Variants in PLXDC2 observed in about 807,000 individuals in gnomAD.
The protein encoded by PLXDC2 is plexin domain-containing protein 2.
A neutral mutation model predicts 68.9 loss-of-function variants in PLXDC2; 40 were observed. The observed-to-expected ratio is 0.58, with a 90% confidence interval of 0.45 to 0.76. The LOEUF is 0.76. Ranked by LOEUF, PLXDC2 falls within the 30% of genes least tolerant of loss-of-function variation. The pLI, the probability that PLXDC2 is intolerant of heterozygous loss-of-function variation, is 0.00. For synonymous variants in PLXDC2, 243 were observed against 234.2 expected (o/e 1.04, Z -0.34); for missense variants, 644 against 661.9 (o/e 0.97, Z 0.30).
chr10:19,964,872 C>G (rs1228833412), intron 1 of PLXDC2, among the ~76,000 whole-genome samples: 1 of 152,162 alleles, frequency 6.6e-6, no homozygotes, highest in Non-Finnish European at 1.5e-5. Flanking sequence ...CCTCTGGGAG[C>G]AACCCAGGCT....
intron 12 of PLXDC2, among the ~76,000 whole-genome samples, chr10:20,238,732 T>C (rs549259368): frequency 1.1e-4 from 15 of 141,414 alleles, no homozygotes; most frequent in South Asian, 2.2e-4. Flanking sequence ...TATACATACA[T>C]ATATATATGT....
At chr10:20,039,101 C>A (rs993803513) in intron 2 of PLXDC2, among the ~76,000 whole-genome samples, 1 of 152,156 alleles carries the variant, frequency 6.6e-6, no homozygotes, top group Non-Finnish European at 1.5e-5. Context: ...ATCAGTTCAC[C>A]TGTCTGCAAG....
At chr10:19,907,094 A>T (rs915019519) in intron 1 of PLXDC2, among the ~76,000 whole-genome samples, 95 of 152,156 alleles carry the variant, frequency 6.2e-4, no homozygotes, top group African/African-American at 2.2e-3. Flanking sequence ...TTATTGTGGC[A>T]TGGTAATCAT....
chr10:19,940,432 A>C (rs901146058), intron 1 of PLXDC2, among the ~76,000 whole-genome samples: 3 of 152,160 alleles, frequency 2.0e-5, no homozygotes, highest in Non-Finnish European at 4.4e-5. Flanking sequence ...AGAGTAATGG[A>C]ATAAGTATTT....
intron 12 of PLXDC2, among the ~76,000 whole-genome samples, chr10:20,240,711 CAAAAAAAA>C (rs202138349): frequency 2.0e-5 from 2 of 100,024 alleles, no homozygotes; most frequent in African/African-American, 7.6e-5. Flanking sequence ...TTGCAGTAGC[CAAAAAAAA>C]AAAAAAAAAA....
At position 19,905,786 on chromosome 10, in the gene PLXDC2, A is replaced by G. The variant is rs963924344; in HGVS notation, c.112+88595A>G. Among the ~76,000 whole-genome samples, 8 of 152,340 alleles carry G rather than the reference A, an allele frequency of 5.3e-5. No individual in the cohort carries two copies. In the South Asian group the frequency reaches 1.2e-3, roughly 24 times the overall value. ...GACTTTTTTCCTGGTGTCGTTGGAT[A>G]TAAGCCAAATTAATTTAGGGCATCT... On this transcript the variant is annotated intron_variant, in intron 1 of 13. Coordinates refer to ENST00000377252, the MANE Select transcript of PLXDC2 (RefSeq NM_032812.9).
chr10:20,230,505 A>G (rs1835346509), intron 12 of PLXDC2, among the ~76,000 whole-genome samples: 1 of 151,706 alleles, frequency 6.6e-6, no homozygotes, highest in South Asian at 2.1e-4. Context: ...CCCCATCTCT[A>G]CTAAAAATAC....
At chr10:20,042,000 T>A (rs1005857908) in intron 2 of PLXDC2, among the ~76,000 whole-genome samples, 3 of 152,202 alleles carry the variant, frequency 2.0e-5, no homozygotes, top group African/African-American at 7.2e-5. Flanking sequence ...ACACTGGGCA[T>A]TGGGGCTTCC....
chr10:20,044,207 C>CTCTTTCTTTCTTTCTTTCTTTCTT, intron 2 of PLXDC2, among the ~76,000 whole-genome samples: 1 of 89,958 alleles, frequency 1.1e-5, no homozygotes. Flanking sequence ...CTCTCTCTCT[C>CTCTTTCTTTCTTTCTTTCTTTCTT]TCTGTCTTTC....
At chr10:19,843,031 T>G (rs1036320718) in intron 1 of PLXDC2, among the ~76,000 whole-genome samples, 8 of 151,756 alleles carry the variant, frequency 5.3e-5, no homozygotes, top group Non-Finnish European at 1.2e-4. Flanking sequence ...CATATCCTCC[T>G]TCTTAGTAAT....
At chr10:19,930,526 C>T (rs1444205353) in intron 1 of PLXDC2, among the ~76,000 whole-genome samples, 1 of 152,086 alleles carries the variant, frequency 6.6e-6, no homozygotes, top group Non-Finnish European at 1.5e-5. Context: ...TGGGCCTGTT[C>T]TACATACATA....
chr10:20,181,833 G>C (rs1215220161), intron 9 of PLXDC2, among the ~76,000 whole-genome samples: 1 of 151,974 alleles, frequency 6.6e-6, no homozygotes, highest in Non-Finnish European at 1.5e-5. Context: ...ATGCGAAGAA[G>C]GGATGTGATT....
chr10:19,887,562 G>A (rs930374429), intron 1 of PLXDC2, among the ~76,000 whole-genome samples: 12 of 151,982 alleles, frequency 7.9e-5, no homozygotes, highest in African/African-American at 2.7e-4. Flanking sequence ...AAAAAACCCC[G>A]AAGACTTGGA....
chr10:20,139,942 G>A (rs1262444838), intron 4 of PLXDC2, among the ~76,000 whole-genome samples: 2 of 151,988 alleles, frequency 1.3e-5, no homozygotes, highest in African/African-American at 4.8e-5. Context: ...ACCATGGCAC[G>A]TGTATACCTA....
chr10:20,024,891 C>G (rs1208580100), intron 2 of PLXDC2, among the ~76,000 whole-genome samples: 1 of 152,158 alleles, frequency 6.6e-6, no homozygotes, highest in African/African-American at 2.4e-5. Context: ...GCTTAAAGGA[C>G]ATGATTTCAT....
chr10:20,034,018 C>T (rs4421658), intron 2 of PLXDC2, among the ~76,000 whole-genome samples: 111,325 of 151,952 alleles, frequency 0.73, 41,359 homozygotes, highest in East Asian at 0.86. Flanking sequence ...TAAAAAAGGT[C>T]TTATTGTGCA....
intron 4 of PLXDC2, among the ~76,000 whole-genome samples, chr10:20,135,101 G>T (rs1327377961): frequency 1.3e-5 from 2 of 152,130 alleles, no homozygotes; most frequent in African/African-American, 4.8e-5. Flanking sequence ...AGGTATTTTT[G>T]TCCATGGATG....
chr10:19,981,371 G>C (rs1834546485), intron 1 of PLXDC2, among the ~76,000 whole-genome samples: 1 of 152,208 alleles, frequency 6.6e-6, no homozygotes, highest in Non-Finnish European at 1.5e-5. Context: ...GAGGCCCAGA[G>C]GGAAGTGATA....
At chr10:19,843,075 A>G (rs754367857) in intron 1 of PLXDC2, among the ~76,000 whole-genome samples, 2 of 151,922 alleles carry the variant, frequency 1.3e-5, no homozygotes, top group Non-Finnish European at 2.9e-5. Flanking sequence ...TTTTTCTATA[A>G]AATTTACCGG....
Sources: gnomAD v4.1 joint callset for allele counts (sites outside exome capture counted in the v4.1 genomes callset) on GRCh38, gnomAD v4.1.1 for gene constraint, MANE v1.5 for transcripts, NCBI Gene and HGNC (gene_info 2026-07-23, HGNC 2026-07-21) for gene names.